The following HDLBP variants were observed in gnomAD, a reference collection of about 807,000 sequenced individuals.
The protein encoded by HDLBP is vigilin.
HDLBP carries 30 observed loss-of-function variants against 137.3 expected under a neutral mutation model. The ratio of observed to expected loss-of-function variants is 0.22; its 90% CI spans 0.16 to 0.30. HDLBP has a LOEUF of 0.30. HDLBP is among the 10% of genes least tolerant of loss of function. HDLBP has a pLI of 1.00. For missense variants in HDLBP, 1,119 were observed against 1,667.3 expected, an observed-to-expected ratio of 0.67 and a Z score of 5.73; for synonymous variants, 606 against 596.0, an observed-to-expected ratio of 1.02 and a Z score of -0.24.
intron 17 of HDLBP, among the ~76,000 whole-genome samples, chr2:241,241,557 A>C (rs1324647378): frequency 7.9e-6 from 1 of 126,056 alleles, no homozygotes; most frequent in Admixed American, 8.9e-5. Context: ...ACAGAGCAAG[A>C]CTCCGTCTCA....
chr2:241,254,121 G>A (rs12614838), intron 9 of HDLBP, among the ~76,000 whole-genome samples: 5,104 of 152,102 alleles, frequency 0.034, 524 homozygotes, highest in Admixed American at 0.19. Flanking sequence ...CTGCCTCCAC[G>A]AAAACTAGCC....
At chr2:241,313,494 G>A (rs946875918) in intron 1 of HDLBP, among the ~76,000 whole-genome samples, 20 of 152,108 alleles carry the variant, frequency 1.3e-4, no homozygotes, top group African/African-American at 4.6e-4. Context: ...TGGTCAGGCT[G>A]GTCTCGAACT....
chr2:241,247,434 A>C, intron 14 of HDLBP: 1 of 420,302 alleles, frequency 2.4e-6, no homozygotes, highest in Non-Finnish European at 4.4e-6. Flanking sequence ...TGGAGACAGC[A>C]CGGACCCCTA....
In HDLBP at chr2:241,254,175, G is replaced by T. The variant is rs1043141683; in HGVS notation, c.1189-678C>A. 2.6e-5 allele frequency among the ~76,000 whole-genome samples: 4 copies of T among 152,002 alleles called. No individual in the cohort carries two copies. In the South Asian group the frequency reaches 8.3e-4, roughly 32 times the overall value. ...AGCTACTTGGGAAGCTGAGACGAGCGGATCACTTGACCCATGAGTTCAAGG... is the reference window on the plus strand; with the variant it reads ...AGCTACTTGGGAAGCTGAGACGAGCTGATCACTTGACCCATGAGTTCAAGG... On this transcript the variant is annotated intron_variant, in intron 9 of 27. Transcript: ENST00000310931.
At chr2:241,273,305 CT>C in intron 1 of HDLBP, 1 of 881,168 alleles carries the variant, frequency 1.1e-6, no homozygotes, top group Non-Finnish European at 1.4e-6. Context: ...ATGTCCCTCA[CT>C]TTTATAAACT....
intron 1 of HDLBP, chr2:241,280,209 A>G (rs2074543267): frequency 1.4e-6 from 1 of 715,536 alleles, no homozygotes; most frequent in Non-Finnish European, 1.7e-6. Context: ...ATTTAAAATT[A>G]TATGTGGCTC....
intron 1 of HDLBP, among the ~76,000 whole-genome samples, chr2:241,294,503 C>T (rs1354925665): frequency 2.6e-5 from 4 of 152,062 alleles, no homozygotes. Context: ...CTCTGCTGCC[C>T]AGGCTGCAGT....
intron 1 of HDLBP, among the ~76,000 whole-genome samples, chr2:241,278,983 C>A (rs938279244): frequency 6.6e-6 from 1 of 152,172 alleles, no homozygotes; most frequent in Non-Finnish European, 1.5e-5. Flanking sequence ...CAAGATCACG[C>A]CACTGCACTG....
chr2:241,295,422 T>C (rs10933548), intron 1 of HDLBP, among the ~76,000 whole-genome samples: 48,300 of 152,060 alleles, frequency 0.32, 8,408 homozygotes, highest in East Asian at 0.51. Flanking sequence ...TCTATTATAA[T>C]GAAGCTCTAG....
chr2:241,234,766 G>C (rs1445068715), intron 23 of HDLBP, among the ~76,000 whole-genome samples: 1 of 152,232 alleles, frequency 6.6e-6, no homozygotes, highest in Non-Finnish European at 1.5e-5. Context: ...CTAGAGGTTA[G>C]TGGGGGTCCC....
Position 241,233,583 on chromosome 2 carries a change from G to A in HDLBP, c.3288+237C>T, listed in dbSNP as rs1009283284. Among the ~76,000 whole-genome samples the A allele has an allele frequency of 1.3e-5, 2 of 152,222 alleles. No individual in the cohort carries two copies. Among genetic ancestry groups the A allele is most frequent in the South Asian group, 4.2e-4 (2 of 4,810 alleles). ...TGGAGCTCCTGCTCATTTTCTGGAA[G>A]GAGACGCAGGAGAAAATGCTCCAGG... On this transcript the variant is annotated intron_variant, in intron 24 of 27. Transcript: ENST00000310931. The surrounding 1 kb of genome is among the most constrained non-coding windows in gnomAD (Gnocchi z 4.3).
chr2:241,264,352 AC>A, intron 4 of HDLBP, 95 bp downstream of exon 4: 1 of 839,910 alleles, frequency 1.2e-6, no homozygotes, highest in Non-Finnish European at 1.8e-6. Context: ...ACAGAGCGGG[AC>A]TCTGTCTCAA....
intron 1 of HDLBP, among the ~76,000 whole-genome samples, chr2:241,314,093 A>G (rs141826415): frequency 6.8e-4 from 104 of 152,310 alleles, no homozygotes; most frequent in Middle Eastern, 3.4e-3. Context: ...CTAAAACTTG[A>G]TAGGTTGATG....
chr2:241,313,001 G>A lies in HDLBP; in HGVS notation c.-103+2569C>T, dbSNP rs143077322. On this transcript the variant is annotated intron_variant, in intron 1 of 27. Coordinates refer to ENST00000310931, the MANE Select transcript of HDLBP (RefSeq NM_005336.6). ...ACCAAATTCTAAACCTGTTGCTCACGTATGCCACCAACTATAAATGTCAGC... is the reference window on the plus strand; with the variant it reads ...ACCAAATTCTAAACCTGTTGCTCACATATGCCACCAACTATAAATGTCAGC... 2.5e-3 allele frequency among the ~76,000 whole-genome samples: 384 copies of A among 152,224 alleles called. 4 individuals carry two copies. The highest frequency in any genetic ancestry group is 0.01 in the Middle Eastern group (3 of 294).
chr2:241,254,941 C>T, intron 9 of HDLBP, 110 bp downstream of exon 9: 3 of 818,726 alleles, frequency 3.7e-6, no homozygotes, highest in Non-Finnish European at 2.1e-6. Flanking sequence ...CAGAAAAATA[C>T]ACCAGTTTTC....
intron 6 of HDLBP, 85 bp downstream of exon 6, chr2:241,256,515 T>C (rs1462788019): frequency 5.2e-6 from 8 of 1,525,420 alleles, no homozygotes; most frequent in Non-Finnish European, 7.2e-6. Context: ...TGCCTTGAAG[T>C]CCACACTGGA....
At chr2:241,232,371 G>A (rs529419703) in intron 24 of HDLBP, among the ~76,000 whole-genome samples, 14 of 151,804 alleles carry the variant, frequency 9.2e-5, no homozygotes, top group Middle Eastern at 3.4e-3. Context: ...CGCCTCCTGC[G>A]TTCAAGCGAT....
chr2:241,264,897 G>A (rs867992889), intron 3 of HDLBP, among the ~76,000 whole-genome samples: 1 of 152,144 alleles, frequency 6.6e-6, no homozygotes, highest in African/African-American at 2.4e-5. Context: ...CAGACATTGT[G>A]AGCCCCACTC....
intron 2 of HDLBP, chr2:241,267,788 C>T (rs2073789843): frequency 6.7e-7 from 1 of 1,487,940 alleles, no homozygotes; most frequent in Admixed American, 2.1e-5. Flanking sequence ...GCCCTTGATC[C>T]ACACTGACTG....
Sources: allele counts gnomAD v4.1 joint callset (sites outside exome capture counted in the v4.1 genomes callset), GRCh38; gene constraint gnomAD v4.1.1; non-coding constraint Gnocchi (gnomAD v3.1); transcripts MANE v1.5; gene names NCBI Gene and HGNC (gene_info 2026-07-23, HGNC 2026-07-21).